DMD: variants seen among roughly 807,000 people sequenced by gnomAD.
The protein encoded by DMD is mutant dystrophin.
Under a neutral mutation model 330.1 loss-of-function variants are expected in DMD, and 63 were observed. That is an observed-to-expected ratio of 0.19 (90% CI 0.16 to 0.24). The LOEUF (loss-of-function observed/expected upper bound fraction) is 0.24, where lower values mean the gene tolerates loss of function less well. Among genes scored for constraint, DMD ranks in the 10% least tolerant of loss-of-function variants. The pLI is 1.00. For missense variants in DMD, 3,344 were observed against 2,684.1 expected, an observed-to-expected ratio of 1.25 and a Z score of -5.43; for synonymous variants, 1,223 against 959.8, an observed-to-expected ratio of 1.27 and a Z score of -5.07.
chrX:32,585,699 C>CAA lies in DMD; in HGVS notation c.1602+10056_1602+10057dup, dbSNP rs61394183. Among the ~76,000 whole-genome samples the CAA allele has an allele frequency of 4.1e-3, 132 of 31,928 alleles. 10 individuals carry two copies. The highest frequency in any genetic ancestry group is 6.0e-3 in the Non-Finnish European group (107 of 17,954). 27.7% of individuals were successfully genotyped at this position (31,928 alleles called of 115,157 possible). A position where few individuals can be genotyped will look rare whatever the true frequency, so the allele number is the denominator to read the frequency against. ...TGGGTGACAGAGCAGGACTCCGTCT[C>CAA]AAAAAAAAAAAAAAAAAAAAAAAAA... On this transcript the variant is annotated intron_variant, in intron 13 of 78. Transcript: ENST00000357033.
chrX:31,430,193 A>G (rs1264619996), intron 60 of DMD, among the ~76,000 whole-genome samples: 1 of 111,641 alleles, frequency 9.0e-6, no homozygotes, highest in South Asian at 3.8e-4. Context: ...GCTTCCCTTG[A>G]TGCACATGAT....
intron 70 of DMD, 62 bp downstream of exon 70, chrX:31,178,607 C>T: frequency 8.7e-7 from 1 of 1,149,017 alleles, no homozygotes; most frequent in Non-Finnish European, 1.2e-6. Context: ...GGAGGGTGTT[C>T]AGCTGAGAGG....
intron 51 of DMD, among the ~76,000 whole-genome samples, chrX:31,741,950 G>C (rs1352678899): frequency 1.8e-5 from 2 of 112,000 alleles, no homozygotes; most frequent in Non-Finnish European, 3.8e-5. Context: ...TGGATAGTTT[G>C]CTGCAGCTTC....
intron 51 of DMD, among the ~76,000 whole-genome samples, chrX:31,730,661 G>T (rs1330630145): frequency 9.0e-6 from 1 of 111,023 alleles, no homozygotes; most frequent in African/African-American, 3.3e-5. Context: ...GACTAGCTCT[G>T]GTTCTAAAAC....
At chrX:31,222,372 A>G (rs2046167930) in intron 64 of DMD, among the ~76,000 whole-genome samples, 1 of 94,512 alleles carries the variant, frequency 1.1e-5, no homozygotes, top group Non-Finnish European at 2.1e-5. Context: ...CAGCCTGGGC[A>G]ACAGAGCAAG....
rs772982845 is a variant in DMD at position 32,433,592 on chromosome X, C to T, written c.4071+4649G>A. ...ACTCGGGAGGCTGAGGCAAGATAAT[C>T]GCTTGAACCCGGGAGGAGGAGGTTG... On this transcript the variant is annotated intron_variant, in intron 29 of 78. Coordinates refer to ENST00000357033, the MANE Select transcript of DMD (RefSeq NM_004006.3). Among the ~76,000 whole-genome samples the T allele has an allele frequency of 1.8e-3, 200 of 111,178 alleles. 1 individual carries two copies. Among genetic ancestry groups the T allele is most frequent in the African/African-American group, 6.4e-3 (195 of 30,525 alleles).
chrX:33,044,528 AAC>A (rs1459623153), intron 1 of DMD, among the ~76,000 whole-genome samples: 2 of 112,277 alleles, frequency 1.8e-5, no homozygotes, highest in African/African-American at 6.5e-5. Flanking sequence ...ACATTGATTT[AAC>A]TTCGGAAATA....
rs1454251693 is a variant in DMD at position 32,479,302 on chromosome X, A to G, written c.2803+5617T>C. Among the ~76,000 whole-genome samples the G allele has an allele frequency of 5.4e-5, 6 of 110,898 alleles. No individual in the cohort carries two copies. In the Admixed American group the frequency reaches 5.8e-4, roughly 11 times the overall value. On this transcript the variant is annotated intron_variant, in intron 21 of 78. Transcript: ENST00000357033. ...TTTTGTGATGCGGATATTAAAATCT[A>G]TTCTTTTACCAATTTTGAAACATAG... is the stretch of plus-strand genomic sequence containing the variant.
intron 6 of DMD, 101 bp from the exon 7 acceptor site, chrX:32,809,712 A>G (rs1404535942): frequency 3.1e-6 from 2 of 652,301 alleles, no homozygotes; most frequent in Non-Finnish European, 5.0e-6. Flanking sequence ...TTGACAACCA[A>G]TGCCCATAGT....
intron 44 of DMD, among the ~76,000 whole-genome samples, chrX:31,985,175 A>C (rs1223534151): frequency 8.9e-6 from 1 of 112,212 alleles, no homozygotes; most frequent in Non-Finnish European, 1.9e-5. Context: ...ACTTATAAAC[A>C]TTAGAATATT....
intron 50 of DMD, among the ~76,000 whole-genome samples, chrX:31,785,397 T>G (rs945111297): frequency 1.8e-5 from 2 of 112,121 alleles, no homozygotes; most frequent in Non-Finnish European, 3.8e-5. Context: ...ACTACTGGTT[T>G]GTACACATAA....
intron 1 of DMD, among the ~76,000 whole-genome samples, chrX:33,170,302 A>G (rs2049273196): frequency 9.1e-6 from 1 of 109,575 alleles, no homozygotes; most frequent in Admixed American, 9.9e-5. Context: ...TGTAGAAATA[A>G]TCAATAAATA....
chrX:32,058,055 A>G (rs750168728), intron 44 of DMD, among the ~76,000 whole-genome samples: 8 of 111,486 alleles, frequency 7.2e-5, no homozygotes, highest in African/African-American at 1.6e-4. Context: ...CCTTTAACTT[A>G]AACTATACAT....
At chrX:33,132,007 T>G (rs984608020) in intron 1 of DMD, among the ~76,000 whole-genome samples, 13 of 112,156 alleles carry the variant, frequency 1.2e-4, no homozygotes, top group African/African-American at 4.2e-4. Flanking sequence ...CAGTAACAAC[T>G]GCAGCACAAT....
intron 34 of DMD, among the ~76,000 whole-genome samples, chrX:32,377,598 T>A (rs2097908985): frequency 9.0e-6 from 1 of 111,678 alleles, no homozygotes; most frequent in Admixed American, 9.6e-5. Flanking sequence ...AGTATAGAAA[T>A]GTGTTCTCAG....
In DMD at chrX:32,964,255, C is replaced by CAAA. The variant is rs781702491; in HGVS notation, c.93+55881_93+55883dup. Among the ~76,000 whole-genome samples, 61 of 35,173 alleles carry CAAA rather than the reference C, an allele frequency of 1.7e-3. 2 individuals carry two copies. The highest frequency in any genetic ancestry group is 6.1e-3 in the African/African-American group (54 of 8,782). The allele number at this position is 35,173 out of a possible 115,157, so 30.5% of individuals were successfully genotyped here. On this transcript the variant is annotated intron_variant, in intron 2 of 78. Transcript: ENST00000357033. The stretch of plus-strand genomic sequence containing the variant: ...CTGGTGACAGAGCAAGACTCCATCT[C>CAAA]AAAAAAAAAAAAAAAAAAAATTCAC...
intron 9 of DMD, among the ~76,000 whole-genome samples, chrX:32,666,305 G>A (rs2061300111): frequency 9.0e-6 from 1 of 110,501 alleles, no homozygotes; most frequent in Non-Finnish European, 1.9e-5. Flanking sequence ...CCGTCATCCA[G>A]GTTTTAAGCC....
intron 55 of DMD, among the ~76,000 whole-genome samples, chrX:31,510,709 C>A (rs1403711156): frequency 1.8e-5 from 2 of 109,310 alleles, no homozygotes; most frequent in East Asian, 2.9e-4. Flanking sequence ...CAGGGTTTCA[C>A]CATGTTAGCC....
At chrX:32,646,836 C>A (rs969171645) in intron 9 of DMD, among the ~76,000 whole-genome samples, 6 of 111,565 alleles carry the variant, frequency 5.4e-5, no homozygotes, top group African/African-American at 2.0e-4. Context: ...ATAAAAGTGG[C>A]AGAGAAAGGT....
Sources: gnomAD v4.1 joint callset for allele counts (sites outside exome capture counted in the v4.1 genomes callset) on GRCh38, gnomAD v4.1.1 for gene constraint, MANE v1.5 for transcripts, NCBI Gene and HGNC (gene_info 2026-07-23, HGNC 2026-07-21) for gene names.